ZNF365: variants seen among roughly 807,000 people sequenced by gnomAD.
ZNF365 encodes the protein protein ZNF365.
Under a neutral mutation model 35.0 loss-of-function variants are expected in ZNF365, and 22 were observed. That is an observed-to-expected ratio of 0.63 (90% CI 0.45 to 0.90). The LOEUF (loss-of-function observed/expected upper bound fraction) is 0.90, where lower values mean the gene tolerates loss of function less well. Ranked by LOEUF, ZNF365 falls within the 40% of genes least tolerant of loss-of-function variation. The pLI is 0.00. For missense variants in ZNF365, 448 were observed against 500.3 expected (o/e 0.90, Z 1.00); for synonymous variants, 188 against 196.2 (o/e 0.96, Z 0.35).
intron 3 of ZNF365, among the ~76,000 whole-genome samples, chr10:62,436,751 A>G (rs1840414010): frequency 6.6e-6 from 1 of 152,186 alleles, no homozygotes; most frequent in Non-Finnish European, 1.5e-5. Context: ...ACCAATTGGG[A>G]TCTAGTAAGA....
intron 4 of ZNF365, among the ~76,000 whole-genome samples, chr10:62,474,538 T>C (rs1242968747): frequency 2.6e-5 from 4 of 152,190 alleles, no homozygotes; most frequent in African/African-American, 9.7e-5. Flanking sequence ...TATTTTTCTC[T>C]CCAGTTCCTC....
At chr10:62,379,531 C>T (rs1839398454) in intron 2 of ZNF365, among the ~76,000 whole-genome samples, 1 of 151,810 alleles carries the variant, frequency 6.6e-6, no homozygotes, top group Non-Finnish European at 1.5e-5. Context: ...TCTTTCTGTA[C>T]ATAAAGTGGG....
intron 2 of ZNF365, among the ~76,000 whole-genome samples, chr10:62,383,034 AC>A (rs951406743): frequency 6.6e-6 from 1 of 152,192 alleles, no homozygotes; most frequent in African/African-American, 2.4e-5. Context: ...TGTAGGAGGT[AC>A]CCGTAGGTTA....
rs563207926 is a variant in ZNF365 at position 62,375,846 on chromosome 10, C to T, written c.-13-335C>T. 1.8e-5 allele frequency: 4 copies of T among 227,494 alleles called. No homozygotes were observed. In the South Asian group the frequency reaches 2.8e-4, roughly 16 times the overall value. 14.1% of individuals were successfully genotyped at this position (227,494 alleles called of 1,614,324 possible). ...TTCTGTGGAGAGGGAATGTTACCCA[C>T]CTTTTTGATTCTAGGTAGGAGTTGG... On this transcript the variant is annotated intron_variant, in intron 1 of 4. Transcript: ENST00000395254.
rs1841109349 is a variant in ZNF365, at chr10:62,475,222, TG to T, written c.982-4650del. ...GGACAAGTGGTCTATCAAATGGGAC[TG>T]GGGAACAGAAGCCTTGTAATTGGGA... On this transcript the variant is annotated intron_variant, in intron 4 of 4. Transcript: ENST00000395255. 2.6e-5 allele frequency among the ~76,000 whole-genome samples: 4 copies of T among 152,308 alleles called. No homozygotes were observed. In the South Asian group the frequency reaches 8.3e-4, roughly 32 times the overall value.
At chr10:62,464,303 C>T (rs1288274191) in intron 4 of ZNF365, among the ~76,000 whole-genome samples, 1 of 152,148 alleles carries the variant, frequency 6.6e-6, no homozygotes, top group East Asian at 1.9e-4. Flanking sequence ...ATATGTTAGC[C>T]CCCACTGCAT....
chr10:62,425,571 C>T (rs555502634), intron 3 of ZNF365, among the ~76,000 whole-genome samples: 1 of 152,270 alleles, frequency 6.6e-6, no homozygotes, highest in South Asian at 2.1e-4. Context: ...AGTCAAGGAC[C>T]TGTGTGATTA....
At chr10:62,430,444 T>A (rs757926649) in intron 3 of ZNF365, among the ~76,000 whole-genome samples, 25 of 152,158 alleles carry the variant, frequency 1.6e-4, no homozygotes, top group Non-Finnish European at 3.1e-4. Flanking sequence ...CCTCCCAGAG[T>A]GCTGGGATTA....
chr10:62,437,051 A>AT (rs1840418741), intron 3 of ZNF365, among the ~76,000 whole-genome samples: 1 of 152,216 alleles, frequency 6.6e-6, no homozygotes, highest in African/African-American at 2.4e-5. Context: ...CCACATTTAA[A>AT]TGTATGTATG....
chr10:62,463,200 A>ACAG (rs1840876447), intron 4 of ZNF365, among the ~76,000 whole-genome samples: 3 of 152,196 alleles, frequency 2.0e-5, no homozygotes, highest in Non-Finnish European at 4.4e-5. Context: ...ACAGCTAGAA[A>ACAG]CTGTGGGGCA....
At chr10:62,383,707 T>C (rs1839478241) in intron 2 of ZNF365, among the ~76,000 whole-genome samples, 1 of 152,254 alleles carries the variant, frequency 6.6e-6, no homozygotes, top group Non-Finnish European at 1.5e-5. Flanking sequence ...ATTGGTCACA[T>C]GATAGCATGT....
intron 3 of ZNF365, among the ~76,000 whole-genome samples, chr10:62,415,015 T>A (rs556395975): frequency 6.6e-6 from 1 of 152,328 alleles, no homozygotes; most frequent in East Asian, 1.9e-4. Context: ...AAATCTAAAA[T>A]TTTCGTCTGA....
intron 4 of ZNF365, among the ~76,000 whole-genome samples, chr10:62,470,990 AT>A (rs11297672): frequency 0.044 from 6,448 of 146,168 alleles, 175 homozygotes; most frequent in East Asian, 0.18. Context: ...TTGTTCATGC[AT>A]TTTTTTTTTT....
downstream of ZNF365, among the ~76,000 whole-genome samples, chr10:62,405,901 T>C (rs1407366737): frequency 6.6e-6 from 1 of 152,194 alleles, no homozygotes; most frequent in Non-Finnish European, 1.5e-5. Flanking sequence ...TTCCCCATTC[T>C]CAGGAATGTA....
At chr10:62,438,653 C>G (rs1840446484) in intron 3 of ZNF365, among the ~76,000 whole-genome samples, 1 of 152,184 alleles carries the variant, frequency 6.6e-6, no homozygotes, top group Non-Finnish European at 1.5e-5. Flanking sequence ...TCAAGTCACT[C>G]CCTTATCTAA....
chr10:62,382,715 C>T (rs1839461002), intron 2 of ZNF365, among the ~76,000 whole-genome samples: 1 of 152,154 alleles, frequency 6.6e-6, no homozygotes, highest in South Asian at 2.1e-4. Flanking sequence ...AAAGAGAGCG[C>T]AGGAGCCGAC....
At chr10:62,386,464 G>T (rs573592005) in intron 2 of ZNF365, among the ~76,000 whole-genome samples, 1 of 152,222 alleles carries the variant, frequency 6.6e-6, no homozygotes, top group South Asian at 2.1e-4. Context: ...ATCCTGGTTG[G>T]GAAACTAGAA....
chr10:62,444,566 A>C (rs977807648), intron 3 of ZNF365, among the ~76,000 whole-genome samples: 1 of 151,914 alleles, frequency 6.6e-6, no homozygotes, highest in Non-Finnish European at 1.5e-5. Context: ...CAACCACCCT[A>C]ACTTTTCCTT....
intron 4 of ZNF365, among the ~76,000 whole-genome samples, chr10:62,479,107 C>T (rs1841179737): frequency 6.6e-6 from 1 of 152,122 alleles, no homozygotes; most frequent in Admixed American, 6.6e-5. Context: ...GTCATTCTGT[C>T]CAATTAAAGG....
Sources: allele counts gnomAD v4.1 joint callset (sites outside exome capture counted in the v4.1 genomes callset), GRCh38; gene constraint gnomAD v4.1.1; transcripts MANE v1.5; gene names NCBI Gene and HGNC (gene_info 2026-07-23, HGNC 2026-07-21).